DEAF1: variants seen among roughly 807,000 people sequenced by gnomAD.
DEAF1 encodes DEAF1 transcription factor.
Under a neutral mutation model 58.9 loss-of-function variants are expected in DEAF1, and 53 were observed. The observed-to-expected ratio is 0.90, with a 90% CI of 0.72 to 1.13. DEAF1 has a LOEUF of 1.13. DEAF1 is among the 50% of genes most tolerant of loss of function. DEAF1 has a pLI of 0.00. For synonymous variants in DEAF1, 385 were observed against 340.4 expected, an observed-to-expected ratio of 1.13 and a Z score of -1.44; for missense variants, 685 against 791.4, an observed-to-expected ratio of 0.87 and a Z score of 1.61.
chr11:651,414 GAAAA>G, intron 11 of DEAF1: 18 of 234,140 alleles, frequency 7.7e-5, no homozygotes, highest in South Asian at 1.3e-4. Context: ...ATCTCTGTAA[GAAAA>G]AAAAAAAAAA....
chr11:687,289 G>C (rs1860634967), intron 4 of DEAF1, among the ~76,000 whole-genome samples: 1 of 152,196 alleles, frequency 6.6e-6, no homozygotes, highest in Non-Finnish European at 1.5e-5. Flanking sequence ...TCATCTACAA[G>C]TCCCAAGCTA....
intron 11 of DEAF1, among the ~76,000 whole-genome samples, chr11:647,662 G>C (rs12272377): frequency 6.6e-5 from 10 of 152,210 alleles, no homozygotes; most frequent in African/African-American, 2.2e-4. Flanking sequence ...AAGCCAGGAG[G>C]GCAGGCGCTA....
chr11:651,799 T>C (rs1270063818), intron 11 of DEAF1, among the ~76,000 whole-genome samples: 3 of 152,146 alleles, frequency 2.0e-5, no homozygotes, highest in Non-Finnish European at 1.5e-5. Flanking sequence ...GGCAGGAGAA[T>C]GGCGTGAACC....
chr11:698,936 G>A (rs926390340), upstream of DEAF1: 14 of 1,612,450 alleles, frequency 8.7e-6, no homozygotes, highest in African/African-American at 2.7e-5. Flanking sequence ...GGCCCGAATT[G>A]CTGCTGCACA....
chr11:645,159 TCA>T (rs1491279053), intron 11 of DEAF1, among the ~76,000 whole-genome samples: 3 of 41,646 alleles, frequency 7.2e-5, no homozygotes, highest in African/African-American at 2.7e-4. Flanking sequence ...CAACTCCATA[TCA>T]AAAAAAAAAA....
intron 6 of DEAF1, 71 bp downstream of exon 6, chr11:684,827 G>A: frequency 7.5e-7 from 1 of 1,328,372 alleles, no homozygotes; most frequent in Non-Finnish European, 1.1e-6. Context: ...GAGAGGCCAA[G>A]GGCTGTGGGA....
chr11:691,117 T>TG (rs1286690888), intron 2 of DEAF1, among the ~76,000 whole-genome samples: 3 of 152,140 alleles, frequency 2.0e-5, no homozygotes, highest in Admixed American at 6.5e-5. Context: ...GAACAGGATA[T>TG]GGGGGAGGGA....
chr11:651,683 G>A (rs949418616), intron 11 of DEAF1, among the ~76,000 whole-genome samples: 6 of 152,144 alleles, frequency 3.9e-5, no homozygotes, highest in Admixed American at 2.6e-4. Context: ...TCAGGAGATC[G>A]AGACCATCCT....
chr11:671,369 C>T (rs910095871), intron 10 of DEAF1, among the ~76,000 whole-genome samples: 2 of 151,782 alleles, frequency 1.3e-5, no homozygotes, highest in Admixed American at 6.6e-5. Context: ...TACAGGTGCC[C>T]ACCACCACAC....
At chr11:659,809 A>T (rs1589981550) in intron 10 of DEAF1, among the ~76,000 whole-genome samples, 1 of 152,122 alleles carries the variant, frequency 6.6e-6, no homozygotes, top group South Asian at 2.1e-4. Flanking sequence ...GGAGAGACAG[A>T]GCGGGAGAGG....
Position 704,120 on chromosome 11 carries a change from C to A in DEAF1, c.-438+2452G>T, listed in dbSNP as rs1050207171. 7.6e-5 allele frequency: 85 copies of A among 1,122,796 alleles called. No individual in the cohort carries two copies. In the African/African-American group the frequency reaches 1.2e-3, roughly 15 times the overall value. 69.6% of individuals were successfully genotyped at this position (1,122,796 alleles called of 1,614,324 possible). A position where few individuals can be genotyped will look rare whatever the true frequency, so the allele number is the denominator to read the frequency against. On this transcript the variant is annotated intron_variant, in intron 1 of 11. Coordinates refer to the DEAF1 transcript ENST00000683307. The stretch of plus-strand genomic sequence containing the variant: ...TTTTGTAAATAAAGAGATGTGTATG[C>A]CTCCCTGAATTCTCCTAATTATGGC...
intron 10 of DEAF1, among the ~76,000 whole-genome samples, chr11:657,762 C>G (rs1052534811): frequency 2.0e-5 from 3 of 152,160 alleles, no homozygotes; most frequent in Admixed American, 2.0e-4. Flanking sequence ...AAGCACAAGA[C>G]AAGCCTGGAT....
In DEAF1 at chr11:654,132, G is replaced by A. The variant is rs146544533; in HGVS notation, c.1504-81C>T. On this transcript the variant is annotated intron_variant, in intron 10 of 11. Transcript: ENST00000382409. ...ACACCGGGGACAGAGGCAGGTGCAG[G>A]CAGGAGGCCCCAAGTTCCCCCCATT... is the stretch of plus-strand genomic sequence containing the variant. The A allele has an allele frequency of 5.4e-4, 627 of 1,161,378 alleles. 2 individuals are homozygous for A. The highest frequency in any genetic ancestry group is 3.2e-3 in the African/African-American group (205 of 64,446). The allele number at this position is 1,161,378 out of a possible 1,614,324, so 71.9% of individuals were successfully genotyped here. A position where few individuals can be genotyped will look rare whatever the true frequency, so the allele number is the denominator to read the frequency against.
intron 1 of DEAF1, chr11:693,497 C>G (rs1293384072): frequency 6.6e-6 from 1 of 152,390 alleles, no homozygotes; most frequent in Non-Finnish European, 1.5e-5. Context: ...ACCCAGCACA[C>G]CAGGACTGGG....
intron 10 of DEAF1, 113 bp from the exon 11 acceptor site, chr11:654,164 CCTTTTTTT>C: frequency 9.6e-6 from 5 of 523,462 alleles, no homozygotes; most frequent in Middle Eastern, 5.5e-4. Flanking sequence ...CATTGGACCC[CCTTTTTTT>C]TTTTTTTTTT....
At chr11:661,309 G>A (rs1859308897) in intron 10 of DEAF1, among the ~76,000 whole-genome samples, 1 of 152,110 alleles carries the variant, frequency 6.6e-6, no homozygotes, top group African/African-American at 2.4e-5. Context: ...TTGAATCTCT[G>A]CAGAGCTCAT....
intron 1 of DEAF1, among the ~76,000 whole-genome samples, chr11:691,865 G>A (rs1300127935): frequency 1.3e-5 from 2 of 151,982 alleles, no homozygotes; most frequent in African/African-American, 2.4e-5. Flanking sequence ...CAACAAACCC[G>A]CCACCCCAGC....
intron 10 of DEAF1, chr11:666,352 A>C (rs1245899340): frequency 6.6e-6 from 1 of 152,190 alleles, no homozygotes. Context: ...TAAAATTCCA[A>C]CACACAATCA....
At chr11:649,850 A>AC (rs998450324) in intron 11 of DEAF1, among the ~76,000 whole-genome samples, 8 of 151,454 alleles carry the variant, frequency 5.3e-5, no homozygotes, top group Non-Finnish European at 1.2e-4. Context: ...ACACGGAGAA[A>AC]CCCCATCTCT....
Sources: allele counts gnomAD v4.1 joint callset (sites outside exome capture counted in the v4.1 genomes callset), GRCh38; gene constraint gnomAD v4.1.1; transcripts MANE v1.5; gene names NCBI Gene and HGNC (gene_info 2026-07-23, HGNC 2026-07-21).